The following RAD51B variants were observed in gnomAD, a reference collection of about 807,000 sequenced individuals.
RAD51B encodes the protein RAD51 paralog B.
RAD51B carries 38 observed loss-of-function variants against 42.2 expected under a neutral mutation model. That is an observed-to-expected ratio of 0.90 (90% CI 0.70 to 1.18). The LOEUF (loss-of-function observed/expected upper bound fraction) is 1.18, where lower values mean the gene tolerates loss of function less well. RAD51B is among the 50% of genes most tolerant of loss of function. The probability of loss-of-function intolerance (pLI) is 0.00; values close to 1 mark genes in which losing one functional copy is unlikely to be tolerated. For synonymous variants in RAD51B, 154 were observed against 145.2 expected (o/e 1.06, Z -0.43); for missense variants, 373 against 400.7 (o/e 0.93, Z 0.59).
At chr14:68,320,771 T>G (rs1027000330) in intron 8 of RAD51B, among the ~76,000 whole-genome samples, 1 of 152,196 alleles carries the variant, frequency 6.6e-6, no homozygotes, top group African/African-American at 2.4e-5. Context: ...AGCCCTTCCA[T>G]CCCATCATCT....
At chr14:68,271,351 A>G (rs2081100429) in intron 7 of RAD51B, among the ~76,000 whole-genome samples, 1 of 152,204 alleles carries the variant, frequency 6.6e-6, no homozygotes, top group Non-Finnish European at 1.5e-5. Flanking sequence ...GTAGTGATGA[A>G]AAGCTTGGGC....
chr14:67,889,610 C>A (rs1045256556), intron 7 of RAD51B, among the ~76,000 whole-genome samples: 8 of 119,502 alleles, frequency 6.7e-5, no homozygotes, highest in Non-Finnish European at 1.1e-4. Context: ...TGAACTAGTA[C>A]TAGAAAACCT....
chr14:68,029,454 C>T (rs1187341343), intron 7 of RAD51B, among the ~76,000 whole-genome samples: 1 of 152,214 alleles, frequency 6.6e-6, no homozygotes, highest in Non-Finnish European at 1.5e-5. Flanking sequence ...AAAGTGTTAT[C>T]CATAAGATAG....
chr14:68,231,106 A>G (rs781516342), intron 7 of RAD51B, among the ~76,000 whole-genome samples: 1 of 152,206 alleles, frequency 6.6e-6, no homozygotes, highest in Non-Finnish European at 1.5e-5. Context: ...GCAAGAAGCC[A>G]TATTGTGGAT....
downstream of RAD51B, among the ~76,000 whole-genome samples, chr14:68,613,147 G>T (rs935133958): frequency 6.6e-6 from 1 of 152,196 alleles, no homozygotes; most frequent in African/African-American, 2.4e-5. Flanking sequence ...CAGGCGTGGT[G>T]GCTCACGCCT....
chr14:68,453,794 GT>G, intron 9 of RAD51B, among the ~76,000 whole-genome samples: 1 of 152,228 alleles, frequency 6.6e-6, no homozygotes, highest in Non-Finnish European at 1.5e-5. Flanking sequence ...TACAAATGCT[GT>G]GTATATACAT....
rs1026375610 is a variant in RAD51B at position 68,302,733 on chromosome 14, C to T, written c.853+10753C>T. Among the ~76,000 whole-genome samples the T allele has an allele frequency of 9.8e-5, 15 of 152,288 alleles. No individual in the cohort carries two copies. The East Asian group carries it at 1.2e-3, about 12-fold the overall frequency. ...AACTAAAAGTATCCCTTATGGGAAACGAAGGGATGGGCCAAATTAAAGGAA... is the reference window on the plus strand; with the variant it reads ...AACTAAAAGTATCCCTTATGGGAAATGAAGGGATGGGCCAAATTAAAGGAA... On this transcript the variant is annotated intron_variant, in intron 8 of 10. Transcript: ENST00000471583.
chr14:67,926,095 T>G (rs2044497184), intron 7 of RAD51B, among the ~76,000 whole-genome samples: 1 of 152,240 alleles, frequency 6.6e-6, no homozygotes. Context: ...GTCTTGGGGA[T>G]TAACATTTGG....
intron 9 of RAD51B, among the ~76,000 whole-genome samples, chr14:68,430,294 G>T (rs572871027): frequency 6.6e-6 from 1 of 152,288 alleles, no homozygotes; most frequent in Non-Finnish European, 1.5e-5. Context: ...GAAAGTCATC[G>T]GTAGCTTTAT....
At chr14:68,207,924 A>G (rs1337756516) in intron 7 of RAD51B, among the ~76,000 whole-genome samples, 1 of 152,158 alleles carries the variant, frequency 6.6e-6, no homozygotes, top group African/African-American at 2.4e-5. Context: ...GGGGACATTT[A>G]CATTTAGCTT....
intron 7 of RAD51B, among the ~76,000 whole-genome samples, chr14:67,990,500 A>T (rs1404057729): frequency 1.3e-5 from 2 of 152,248 alleles, no homozygotes; most frequent in Non-Finnish European, 2.9e-5. Context: ...TGTAAAAAAA[A>T]GATCTGCCTC....
intron 7 of RAD51B, among the ~76,000 whole-genome samples, chr14:67,930,430 T>A (rs2044686596): frequency 6.6e-6 from 1 of 152,186 alleles, no homozygotes; most frequent in Non-Finnish European, 1.5e-5. Context: ...AGAAAAGACT[T>A]TATTTCTTCT....
intron 10 of RAD51B, among the ~76,000 whole-genome samples, chr14:68,542,399 T>C (rs966725644): frequency 1.3e-5 from 2 of 152,218 alleles, no homozygotes; most frequent in Non-Finnish European, 2.9e-5. Flanking sequence ...CTTTGATCCA[T>C]TGTTTCCATG....
intron 11 of RAD51B, among the ~76,000 whole-genome samples, chr14:68,653,543 A>G (rs1262949900): frequency 1.3e-5 from 2 of 152,210 alleles, no homozygotes; most frequent in African/African-American, 4.8e-5. Flanking sequence ...TGTGTATTGT[A>G]GGATGTCTAG....
In RAD51B at chr14:68,084,384, A is replaced by G. The variant is rs907457930; in HGVS notation, c.756+197180A>G. On this transcript the variant is annotated intron_variant, in intron 7 of 10. Coordinates refer to ENST00000471583, the MANE Select transcript of RAD51B (RefSeq NM_133510.4). ...GGGCACTATGGACATTTTGTACTAG[A>G]TAATTCCTTGTCACTGGGGGCTGTT... 4.6e-5 allele frequency among the ~76,000 whole-genome samples: 7 copies of G among 152,174 alleles called. No homozygotes were observed. In the South Asian group the frequency reaches 1.0e-3, roughly 22 times the overall value.
At chr14:68,217,140 T>C (rs2079831921) in intron 7 of RAD51B, among the ~76,000 whole-genome samples, 1 of 152,200 alleles carries the variant, frequency 6.6e-6, no homozygotes, top group Admixed American at 6.5e-5. Flanking sequence ...CTAAGGATGC[T>C]GCCTCCCCTG....
rs551756117 is a variant in RAD51B, at chr14:67,904,897, A to G, written c.756+17693A>G. On this transcript the variant is annotated intron_variant, in intron 7 of 10. Coordinates refer to ENST00000471583, the MANE Select transcript of RAD51B (RefSeq NM_133510.4). ...TTCTGTTTATAGTTTCTTTTGTTGT[A>G]ACAGATCTCTTTCATTTAACTAGAT... is the stretch of plus-strand genomic sequence containing the variant. Among the ~76,000 whole-genome samples, 3 of 149,782 alleles carry G rather than the reference A, an allele frequency of 2.0e-5. No individual in the cohort carries two copies. In the East Asian group the frequency reaches 5.8e-4, roughly 29 times the overall value.
chr14:68,654,147 A>G (rs1892760640), intron 11 of RAD51B, among the ~76,000 whole-genome samples: 1 of 152,206 alleles, frequency 6.6e-6, no homozygotes, highest in Admixed American at 6.5e-5. Flanking sequence ...TTGGGAAGGG[A>G]ACAGAAGGGG....
chr14:68,233,866 A>G (rs2080194697), intron 7 of RAD51B, among the ~76,000 whole-genome samples: 1 of 152,244 alleles, frequency 6.6e-6, no homozygotes, highest in African/African-American at 2.4e-5. Context: ...GAGCCGAAAT[A>G]GGTTAAGTTG....
Sources: gnomAD v4.1 joint callset for allele counts (sites outside exome capture counted in the v4.1 genomes callset) on GRCh38, gnomAD v4.1.1 for gene constraint, MANE v1.5 for transcripts, NCBI Gene and HGNC (gene_info 2026-07-23, HGNC 2026-07-21) for gene names.